Variants in PTGES3 observed in about 807,000 individuals in gnomAD.
The protein encoded by PTGES3 is Hsp90 co-chaperone.
PTGES3 carries 5 observed loss-of-function variants against 29.9 expected under a neutral mutation model. The ratio of observed to expected loss-of-function variants is 0.17; its 90% confidence interval spans 0.09 to 0.35. PTGES3 has a LOEUF of 0.35. PTGES3 is among the 10% of genes least tolerant of loss of function. PTGES3 has a pLI of 1.00. For missense variants in PTGES3, 128 were observed against 190.0 expected, an observed-to-expected ratio of 0.67 and a Z score of 1.92; for synonymous variants, 49 against 57.8, an observed-to-expected ratio of 0.85 and a Z score of 0.69.
chr12:56,670,517 T>C (rs949260291), intron 4 of PTGES3, 153 bp from the exon 5 acceptor site: 18 of 612,460 alleles, frequency 2.9e-5, no homozygotes, highest in East Asian at 1.1e-4. Flanking sequence ...AATCCCACTA[T>C]TGATCAATAT....
Position 56,666,185 on chromosome 12 carries a change from A to G in PTGES3, c.438+19T>C, listed in dbSNP as rs774600288. The stretch of plus-strand genomic sequence containing the variant: ...TTAATAGTATGAAAGTAAACAGAAA[A>G]AAGAATTTTTAGACTTACATCATCT... On this transcript the variant is annotated intron_variant, in intron 6 of 7. Coordinates refer to ENST00000262033, the MANE Select transcript of PTGES3 (RefSeq NM_006601.7). 1.9e-5 allele frequency: 30 copies of G among 1,600,440 alleles called. No homozygotes were observed. The highest frequency in any genetic ancestry group is 2.6e-5 in the Non-Finnish European group (30 of 1,174,142).
intron 7 of PTGES3, 53 bp from the exon 8 acceptor site, chr12:56,664,551 A>T: frequency 6.5e-7 from 1 of 1,543,994 alleles, no homozygotes; most frequent in African/African-American, 1.4e-5. Context: ...TAATCTACCA[A>T]TTTTACTGTC....
At position 56,687,700 on chromosome 12, in the gene PTGES3, G is replaced by A. The variant is rs572387306; in HGVS notation, c.2+298C>T. On this transcript the variant is annotated intron_variant, in intron 1 of 7. Coordinates refer to ENST00000262033, the MANE Select transcript of PTGES3 (RefSeq NM_006601.7). ...TGGCGAGCAGCTACCGGGAGCTTAAGGCCTAGGGTGAAGTTACCGAAAGAG... is the reference window on the plus strand; with the variant it reads ...TGGCGAGCAGCTACCGGGAGCTTAAAGCCTAGGGTGAAGTTACCGAAAGAG... 316 of 1,336,086 alleles carry A rather than the reference G, an allele frequency of 2.4e-4. 1 individual carries two copies. In the South Asian group the frequency reaches 2.9e-3, roughly 12 times the overall value. The allele number at this position is 1,336,086 out of a possible 1,614,324, so 82.8% of individuals were successfully genotyped here. A position where few individuals can be genotyped will look rare whatever the true frequency, so the allele number is the denominator to read the frequency against.
intron 3 of PTGES3, 113 bp downstream of exon 3, chr12:56,672,625 CAT>C (rs1952050565): frequency 9.3e-6 from 11 of 1,177,944 alleles, no homozygotes; most frequent in African/African-American, 1.6e-5. Context: ...TGTAAATATA[CAT>C]AGTTTGCCTC....
chr12:56,665,314 G>A, intron 6 of PTGES3: 1 of 971,390 alleles, frequency 1.0e-6, no homozygotes, highest in Non-Finnish European at 1.2e-6. Flanking sequence ...TGGGTGGGGG[G>A]AGATGGAGTC....
At chr12:56,673,625 C>T (rs1952095151) in intron 1 of PTGES3, among the ~76,000 whole-genome samples, 1 of 151,236 alleles carries the variant, frequency 6.6e-6, no homozygotes, top group South Asian at 2.1e-4. Context: ...GAAACCCCAT[C>T]TCTACTAAAA....
intron 1 of PTGES3, among the ~76,000 whole-genome samples, chr12:56,673,644 T>C (rs1200227145): frequency 6.6e-6 from 1 of 151,438 alleles, no homozygotes; most frequent in Non-Finnish European, 1.5e-5. Flanking sequence ...AATACAAAAA[T>C]TAGCCAGGCA....
intron 1 of PTGES3, among the ~76,000 whole-genome samples, chr12:56,674,894 C>T (rs112912686): frequency 0.037 from 4,912 of 132,590 alleles, 285 homozygotes; most frequent in African/African-American, 0.13. Flanking sequence ...ATCTCAGCTA[C>T]TCAGGAGGCT....
rs772716183 is a variant in PTGES3, at chr12:56,673,059, A to G, written c.9T>C (p.Pro3=). 4 of 1,599,886 alleles carry G rather than the reference A, an allele frequency of 2.5e-6. No individual in the cohort carries two copies. Among genetic ancestry groups the G allele is most frequent in the African/African-American group, 1.3e-5 (1 of 74,334 alleles). The part of the protein sequence containing the change: MQ[P]ASAKWYDRRD... ...TTCGATCGTACCACTTTGCAGAAGC[A>G]GGCTGCCTACAAAAGGATAAAGTAG... The change falls in exon 2 of 8, where the codon CCT becomes CCC. Residue 3 remains proline (P), a synonymous_variant. Coordinates refer to ENST00000262033, the MANE Select transcript of PTGES3 (RefSeq NM_006601.7).
intron 1 of PTGES3, among the ~76,000 whole-genome samples, chr12:56,683,157 G>C (rs574943851): frequency 6.6e-6 from 1 of 151,856 alleles, no homozygotes; most frequent in Non-Finnish European, 1.5e-5. Flanking sequence ...AGACCAGCCT[G>C]GCCAAGATGG....
At chr12:56,683,473 CAAAA>C (rs71081388) in intron 1 of PTGES3, among the ~76,000 whole-genome samples, 1,015 of 29,712 alleles carry the variant, frequency 0.034, 12 homozygotes, top group South Asian at 0.15. Context: ...AACTCTGTCT[CAAAA>C]AAAAAAAAAA....
In PTGES3 at chr12:56,666,110, TAATTGTGAATCTATATA is replaced by T. The variant is rs1951775961; in HGVS notation, c.438+77_438+93del. ...TTCTTTTTTTTTAGAAAATAAGAAG[TAATTGTGAATCTATATA>T]AAACCATTTGTAAATATGTTGTTTC... On this transcript the variant is annotated intron_variant, in intron 6 of 7. Transcript: ENST00000262033. The T allele has an allele frequency of 2.9e-6, 4 of 1,399,906 alleles. No individual in the cohort carries two copies. The East Asian group carries it at 1.1e-4, about 39-fold the overall frequency. The allele number at this position is 1,399,906 out of a possible 1,614,324, so 86.7% of individuals were successfully genotyped here.
intron 1 of PTGES3, among the ~76,000 whole-genome samples, chr12:56,675,647 C>T (rs917538627): frequency 2.6e-5 from 4 of 151,956 alleles, no homozygotes; most frequent in African/African-American, 4.8e-5. Flanking sequence ...GGGCCGAGTG[C>T]GGTGGCTCAC....
chr12:56,675,231 T>C lies in PTGES3; in HGVS notation c.3-2166A>G, dbSNP rs527787255. The stretch of plus-strand genomic sequence containing the variant: ...AGGCCAATCAGTTGAACCCAGGAGG[T>C]AGAGGTTGCAGCGAGCCAAGATCAC... On this transcript the variant is annotated intron_variant, in intron 1 of 7. Transcript: ENST00000262033. Among the ~76,000 whole-genome samples, 201 of 150,764 alleles carry C rather than the reference T, an allele frequency of 1.3e-3. 2 individuals are homozygous for C. Among genetic ancestry groups the C allele is most frequent in the African/African-American group, 4.5e-3 (184 of 40,994 alleles).
intron 1 of PTGES3, among the ~76,000 whole-genome samples, chr12:56,680,733 A>G (rs1039594344): frequency 4.0e-5 from 6 of 151,556 alleles, no homozygotes; most frequent in East Asian, 1.9e-4. Context: ...CTGATTCAGG[A>G]TAAGTGTAGG....
chr12:56,683,473 C>CCAAAAAAA (rs1952656516), intron 1 of PTGES3, among the ~76,000 whole-genome samples: 1 of 29,750 alleles, frequency 3.4e-5, no homozygotes, highest in Non-Finnish European at 6.3e-5. Context: ...AACTCTGTCT[C>CCAAAAAAA]AAAAAAAAAA....
chr12:56,687,723 G>C (rs892209747), intron 1 of PTGES3: 18 of 1,357,576 alleles, frequency 1.3e-5, no homozygotes, highest in East Asian at 6.3e-5. Flanking sequence ...GTTACCGAAA[G>C]AGGCGAGTAA....
chr12:56,688,085 G>A lies in PTGES3; in HGVS notation c.-86C>T. On this transcript the variant is annotated 5_prime_UTR_variant, in exon 1 of 8. Coordinates refer to ENST00000262033, the MANE Select transcript of PTGES3 (RefSeq NM_006601.7). ...CTAGGGAGTCGACTTCTCTCCGGTG[G>A]CGACTCCGCTTTTTCTCTCCGGTCG... The A allele has an allele frequency of 6.2e-6, 9 of 1,443,740 alleles. No individual in the cohort carries two copies. The highest frequency in any genetic ancestry group is 7.3e-6 in the Non-Finnish European group (8 of 1,098,104). The allele number at this position is 1,443,740 out of a possible 1,614,324, so 89.4% of individuals were successfully genotyped here.
rs533333467 is a variant in PTGES3 at position 56,674,565 on chromosome 12, G to A, written c.3-1500C>T. On this transcript the variant is annotated intron_variant, in intron 1 of 7. Transcript: ENST00000262033. ...AATTCAGGCGGGCACAGTGGCTCAC[G>A]CCCATAATCCCAGCACTTTGGGAGG... Among the ~76,000 whole-genome samples the A allele has an allele frequency of 5.9e-5, 9 of 152,046 alleles. No homozygotes were observed. In the East Asian group the frequency reaches 7.8e-4, roughly 13 times the overall value.
Sources: gnomAD v4.1 joint callset for allele counts (sites outside exome capture counted in the v4.1 genomes callset) on GRCh38, gnomAD v4.1.1 for gene constraint, MANE v1.5 for transcripts, NCBI Gene and HGNC (gene_info 2026-07-23, HGNC 2026-07-21) for gene names.